Variants in MRTFA observed in about 807,000 individuals in gnomAD.
The protein encoded by MRTFA is myocardin related transcription factor A.
Under a neutral mutation model 83.5 loss-of-function variants are expected in MRTFA, and 20 were observed. The ratio of observed to expected loss-of-function variants is 0.24; its 90% CI spans 0.17 to 0.35. The LOEUF (loss-of-function observed/expected upper bound fraction) is 0.35, where lower values mean the gene tolerates loss of function less well. MRTFA is among the 10% of genes least tolerant of loss of function. MRTFA has a pLI of 1.00. For synonymous variants in MRTFA, 659 were observed against 541.2 expected, an observed-to-expected ratio of 1.22 and a Z score of -3.02; for missense variants, 1,200 against 1,224.7, an observed-to-expected ratio of 0.98 and a Z score of 0.30.
intron 14 of MRTFA, chr22:40,412,183 T>G (rs142624765): frequency 3.5e-6 from 1 of 281,914 alleles, no homozygotes; most frequent in East Asian, 5.8e-5. Context: ...AAGAAAGATT[T>G]GAACAGACAT....
In MRTFA at chr22:40,569,752, CATACATACATACATACATA is replaced by C. The variant is rs1569333044; in HGVS notation, c.-21-17404_-21-17386del. 4.6e-5 allele frequency: 7 copies of C among 151,960 alleles called. No homozygotes were observed. The East Asian group carries it at 1.4e-3, about 29-fold the overall frequency. The allele number at this position is 151,960 out of a possible 1,614,324, so 9.4% of individuals were successfully genotyped here. On this transcript the variant is annotated intron_variant, in intron 2 of 14. Coordinates refer to ENST00000355630, the MANE Select transcript of MRTFA (RefSeq NM_020831.6). The stretch of plus-strand genomic sequence containing the variant: ...ACATACATACATACATACATACATA[CATACATACATACATACATA>C]CATACATCAAGGGGGTGATGTCTCT...
intron 1 of MRTFA, among the ~76,000 whole-genome samples, chr22:40,620,629 G>GA (rs1381074085): frequency 6.6e-6 from 1 of 151,992 alleles, no homozygotes; most frequent in East Asian, 1.9e-4. Flanking sequence ...GCTGTGGAGA[G>GA]AAAGTCAAGC....
intron 3 of MRTFA, among the ~76,000 whole-genome samples, chr22:40,485,152 T>C (rs2054154829): frequency 6.6e-6 from 1 of 152,128 alleles, no homozygotes; most frequent in Non-Finnish European, 1.5e-5. Flanking sequence ...CTAGCATAAT[T>C]CTGAGTGATG....
At chr22:40,580,321 C>T (rs995397953) in intron 2 of MRTFA, among the ~76,000 whole-genome samples, 5 of 151,998 alleles carry the variant, frequency 3.3e-5, no homozygotes, top group Non-Finnish European at 5.9e-5. Flanking sequence ...ACCTTAGCCT[C>T]CTGAGTAGCT....
chr22:40,418,419 A>G lies in MRTFA; in HGVS notation c.2319T>C (p.Asn773=), dbSNP rs1426160514. 5 of 1,613,812 alleles carry G rather than the reference A, an allele frequency of 3.1e-6. No homozygotes were observed. Among genetic ancestry groups the G allele is most frequent in the Non-Finnish European group, 4.2e-6 (5 of 1,179,936 alleles). ...ACAGGCCAGGGCTGTCTGCATTCTT[A>G]TTGGTCACGGTGAGGACAAGGTGGG... Residue 773 remains asparagine, a synonymous_variant, in exon 12 of 15, where the codon AAT becomes AAC. Transcript: ENST00000355630.
At chr22:40,550,902 A>G (rs2055435203) in intron 3 of MRTFA, among the ~76,000 whole-genome samples, 1 of 139,024 alleles carries the variant, frequency 7.2e-6, no homozygotes, top group African/African-American at 2.7e-5. Flanking sequence ...CCCAGGCTGG[A>G]GTGCAGTGGC....
chr22:40,497,075 T>C (rs2147213161), intron 3 of MRTFA, among the ~76,000 whole-genome samples: 1 of 152,346 alleles, frequency 6.6e-6, no homozygotes, highest in Admixed American at 6.5e-5. Context: ...CCTGCCCAAA[T>C]GGAGTTGACA....
At position 40,590,016 on chromosome 22, in the gene MRTFA, C is replaced by T. The variant is rs188647658; in HGVS notation, c.-22+4658G>A. The stretch of plus-strand genomic sequence containing the variant: ...CAGCCTGGGAGACAGAGCGAGACTC[C>T]GTCTCGAAAAAAAAAAAAAAAAACT... On this transcript the variant is annotated intron_variant, in intron 2 of 14. Transcript: ENST00000355630. 5.2e-3 allele frequency among the ~76,000 whole-genome samples: 766 copies of T among 146,624 alleles called. 7 individuals carry two copies. The highest frequency in any genetic ancestry group is 4.9e-3 in the Non-Finnish European group (331 of 66,932).
chr22:40,419,531 C>T (rs925179227), intron 11 of MRTFA, 147 bp from the exon 12 acceptor site: 5 of 692,482 alleles, frequency 7.2e-6, no homozygotes, highest in Non-Finnish European at 9.8e-6. Context: ...GCAATGCCCC[C>T]CACCACCTGA....
rs747886632 is a variant in MRTFA, at chr22:40,411,532, A to G, written c.2954T>C (p.Leu985Pro). 1 of 1,613,400 alleles carries G rather than the reference A, an allele frequency of 6.2e-7. No individual in the cohort carries two copies. Among genetic ancestry groups the G allele is most frequent in the East Asian group, 2.2e-5 (1 of 44,858 alleles). Residue 985 changes from leucine (L) to proline (P), a missense_variant, in exon 15 of 15, where the codon CTG (leucine) becomes CCG (proline). Physicochemically the swap from Leu to Pro is moderately conservative, Grantham distance 98. Coordinates refer to ENST00000355630, the MANE Select transcript of MRTFA (RefSeq NM_020831.6). ...CAGCTCCAGCCAGTCCATGCTGTCC[A>G]GGTGGCCATCAGCCAGGTCCAGGCC...
intron 3 of MRTFA, among the ~76,000 whole-genome samples, chr22:40,483,372 ATTTTT>A (rs550051844): frequency 0.025 from 3,534 of 139,518 alleles, 49 homozygotes; most frequent in Non-Finnish European, 0.036. Context: ...ACCTAAAGTA[ATTTTT>A]TTTTTTTTTT....
At chr22:40,567,681 T>C (rs1017345256) in intron 2 of MRTFA, among the ~76,000 whole-genome samples, 38 of 151,964 alleles carry the variant, frequency 2.5e-4, no homozygotes, top group African/African-American at 8.9e-4. Flanking sequence ...ATGAATAATA[T>C]AAAAAAAACT....
chr22:40,414,318 G>A (rs2052629993), intron 14 of MRTFA, among the ~76,000 whole-genome samples: 2 of 148,294 alleles, frequency 1.3e-5, no homozygotes, highest in Non-Finnish European at 3.0e-5. Flanking sequence ...ACTCCAATCT[G>A]GGCAACAGAC....
intron 3 of MRTFA, among the ~76,000 whole-genome samples, chr22:40,550,208 T>G (rs1299150819): frequency 2.0e-5 from 3 of 152,034 alleles, no homozygotes; most frequent in African/African-American, 7.2e-5. Flanking sequence ...CTTTCTACTT[T>G]ACGTTTAAAT....
chr22:40,435,632 A>G (rs2053153736), intron 4 of MRTFA, 78 bp from the exon 5 acceptor site: 2 of 1,520,628 alleles, frequency 1.3e-6, no homozygotes, highest in South Asian at 1.1e-5. Context: ...TGGAGAAGGC[A>G]TCTTAAATTC....
At chr22:40,503,500 C>T (rs1412918307) in intron 3 of MRTFA, among the ~76,000 whole-genome samples, 1 of 152,182 alleles carries the variant, frequency 6.6e-6, no homozygotes, top group African/African-American at 2.4e-5. Flanking sequence ...TGTGAGCCAC[C>T]GTGCCCAGCC....
chr22:40,558,690 G>A (rs1274398831), intron 2 of MRTFA, among the ~76,000 whole-genome samples: 4 of 151,860 alleles, frequency 2.6e-5, no homozygotes, highest in African/African-American at 9.7e-5. Flanking sequence ...TGTAAAAAAC[G>A]GCCCCCCAAA....
At chr22:40,489,889 G>A (rs2054242588) in intron 3 of MRTFA, among the ~76,000 whole-genome samples, 1 of 148,842 alleles carries the variant, frequency 6.7e-6, no homozygotes, top group Admixed American at 6.8e-5. Context: ...TGAGGCAAGA[G>A]AATCGCTTGA....
intron 4 of MRTFA, among the ~76,000 whole-genome samples, chr22:40,457,478 GA>G: frequency 2.9e-5 from 4 of 139,522 alleles, no homozygotes; most frequent in South Asian, 2.4e-4. Flanking sequence ...AAGAAAGAAA[GA>G]AAGAAAGAAG....
Sources: gnomAD v4.1 joint callset for allele counts (sites outside exome capture counted in the v4.1 genomes callset) on GRCh38, gnomAD v4.1.1 for gene constraint, MANE v1.5 for transcripts, NCBI Gene and HGNC (gene_info 2026-07-23, HGNC 2026-07-21) for gene names.